ZNF738: variants seen among roughly 807,000 people sequenced by gnomAD.
The protein encoded by ZNF738 is zinc finger protein 738, also known as protein ZNF738.
In ZNF738, 10 loss-of-function variants were observed where a neutral mutation model predicts 9.2. The observed-to-expected ratio is 1.09, with a 90% CI of 0.67 to 1.85. The LOEUF is 1.85. Among genes scored for constraint, ZNF738 ranks in the 40% most tolerant of loss-of-function variants. The pLI is 0.00. For synonymous variants in ZNF738, 113 were observed against 94.5 expected (o/e 1.20, Z -1.14); for missense variants, 346 against 283.6 (o/e 1.22, Z -1.58).
chr19:21,380,416 C>T (rs1177908228), intron 4 of ZNF738, among the ~76,000 whole-genome samples: 1 of 152,158 alleles, frequency 6.6e-6, no homozygotes, highest in Non-Finnish European at 1.5e-5. Context: ...GTAGAGTCCC[C>T]ACTCTCCCCT....
chr19:21,377,291 G>C (rs1293028624), intron 4 of ZNF738: 1 of 536,870 alleles, frequency 1.9e-6, no homozygotes, highest in Non-Finnish European at 3.3e-6. Flanking sequence ...TGGGTAACAA[G>C]AGCAAACTCC....
At chr19:21,380,987 A>C (rs1283001999) in intron 4 of ZNF738, among the ~76,000 whole-genome samples, 1 of 152,218 alleles carries the variant, frequency 6.6e-6, no homozygotes, top group Admixed American at 6.5e-5. Context: ...AAAGGATATA[A>C]GAGACCTAAA....
Position 21,364,184 on chromosome 19 carries a change from G to A in ZNF738, c.96+2326G>A, listed in dbSNP as rs181132499. ...TGCACTCTAGTCTGGGCAATAGAGC[G>A]AGAATCCGTCTCAAAAAAAAAAAAA... On this transcript the variant is annotated intron_variant, in intron 2 of 4. Transcript: ENST00000683779. 4.2e-3 allele frequency among the ~76,000 whole-genome samples: 286 copies of A among 68,178 alleles called. 1 individual carries two copies. Among genetic ancestry groups the A allele is most frequent in the Admixed American group, 9.5e-3 (46 of 4,850 alleles). 44.7% of individuals were successfully genotyped at this position (68,178 alleles called of 152,430 possible). A position where few individuals can be genotyped will look rare whatever the true frequency, so the allele number is the denominator to read the frequency against.
intron 1 of ZNF738, among the ~76,000 whole-genome samples, chr19:21,361,090 A>T (rs1973684126): frequency 6.6e-6 from 1 of 151,674 alleles, no homozygotes; most frequent in African/African-American, 2.4e-5. Flanking sequence ...CTGGGATTAC[A>T]GGCGTGAGCC....
In ZNF738 at chr19:21,385,824, G is replaced by C. The variant is rs1974060235; in HGVS notation, c.*2150G>C. 6.6e-6 allele frequency among the ~76,000 whole-genome samples: 1 copy of C among 151,694 alleles called. No homozygotes were observed. Among genetic ancestry groups the C allele is most frequent in the Non-Finnish European group, 1.5e-5 (1 of 67,940 alleles). Reference sequence around the variant, plus strand: ...GATTCTCATACTTTACTAAAAATAAGGTGATTCATTCTGGAGAGAAATTCT... The same window carrying C: ...GATTCTCATACTTTACTAAAAATAACGTGATTCATTCTGGAGAGAAATTCT... On this transcript the variant is annotated 3_prime_UTR_variant, in exon 5 of 5. Transcript: ENST00000683779.
In ZNF738 at chr19:21,383,223, A is replaced by G; in HGVS notation, c.677A>G (p.His226Arg). ...CACCTAGGTCAACATAAAATAATTC[A>G]TATTAGAGAGAATTCTTACCAATGT... ...LLHLGQHKII[H>R]IRENSYQCEE... The change falls in exon 5 of 5, where the codon CAT becomes CGT. Residue 226 changes from histidine (H) to arginine (R), a missense_variant. Transcript: ENST00000683779. 6.3e-7 allele frequency: 1 copy of G among 1,596,186 alleles called. No homozygotes were observed. Among genetic ancestry groups the G allele is most frequent in the Non-Finnish European group, 8.6e-7 (1 of 1,165,432 alleles).
Position 21,386,161 on chromosome 19 carries a change from T to C in ZNF738, c.*2487T>C, listed in dbSNP as rs1974064861. 6.6e-6 allele frequency among the ~76,000 whole-genome samples: 1 copy of C among 151,872 alleles called. No individual in the cohort carries two copies. The highest frequency in any genetic ancestry group is 2.1e-4 in the South Asian group (1 of 4,820). ...CATTACTAAACAAGATAATTTGTAC[T>C]GGAGAGAAAACCTACAAACGTGAGG... On this transcript the variant is annotated 3_prime_UTR_variant, in exon 5 of 5. Coordinates refer to ENST00000683779, the MANE Select transcript of ZNF738 (RefSeq NM_001355237.2).
chr19:21,382,936 A>G lies in ZNF738; in HGVS notation c.390A>G (p.Ile130Met), dbSNP rs940995097. 5.1e-6 allele frequency: 3 copies of G among 591,750 alleles called. No homozygotes were observed. Among genetic ancestry groups the G allele is most frequent in the Non-Finnish European group, 9.5e-6 (3 of 314,422 alleles). 36.7% of individuals were successfully genotyped at this position (591,750 alleles called of 1,614,324 possible). ...PGIKDSFQKV[I>M]LREYGNYGHK... ...TAAAAGATTCTTTCCAAAAAGTGATACTGAGAGAATATGGAAATTATGGAC... is the reference window on the plus strand; with the variant it reads ...TAAAAGATTCTTTCCAAAAAGTGATGCTGAGAGAATATGGAAATTATGGAC... Residue 130 changes from isoleucine to methionine, a missense_variant, in exon 5 of 5, where the codon ATA (isoleucine) becomes ATG (methionine). Coordinates refer to ENST00000683779, the MANE Select transcript of ZNF738 (RefSeq NM_001355237.2).
At chr19:21,373,636 C>A (rs1426514852) in intron 2 of ZNF738, among the ~76,000 whole-genome samples, 3 of 152,106 alleles carry the variant, frequency 2.0e-5, no homozygotes, top group Non-Finnish European at 4.4e-5. Context: ...GTTCTTAGTT[C>A]TTTTTTCTGT....
chr19:21,377,322 G>A (rs1258013902), intron 4 of ZNF738: 2 of 570,578 alleles, frequency 3.5e-6, no homozygotes, highest in Non-Finnish European at 6.2e-6. Context: ...AAAAAAAATT[G>A]TATTATACTG....
At chr19:21,359,748 G>A (rs896855727) in intron 1 of ZNF738, among the ~76,000 whole-genome samples, 7 of 151,880 alleles carry the variant, frequency 4.6e-5, no homozygotes, top group Non-Finnish European at 5.9e-5. Flanking sequence ...GTGGTGGCGG[G>A]CGCCTGTAGT....
chr19:21,364,469 C>A (rs1973748404), intron 2 of ZNF738, among the ~76,000 whole-genome samples: 1 of 151,970 alleles, frequency 6.6e-6, no homozygotes, highest in African/African-American at 2.4e-5. Flanking sequence ...AGTTCAGTAG[C>A]CTGTGAAAAA....
intron 2 of ZNF738, among the ~76,000 whole-genome samples, chr19:21,363,945 C>G (rs1422335153): frequency 6.6e-6 from 1 of 150,934 alleles, no homozygotes; most frequent in Non-Finnish European, 1.5e-5. Flanking sequence ...GTCTGTAATC[C>G]CAGCACTTTG....
At position 21,384,985 on chromosome 19, in the gene ZNF738, A is replaced by C. The variant is rs16997799; in HGVS notation, c.*1311A>C. ...TACTTTACTACACATAGGAGAATTCATGCGGAAGAGAATTTCTACAAATGT... is the reference window on the plus strand; with the variant it reads ...TACTTTACTACACATAGGAGAATTCCTGCGGAAGAGAATTTCTACAAATGT... On this transcript the variant is annotated 3_prime_UTR_variant, in exon 5 of 5. Coordinates refer to ENST00000683779, the MANE Select transcript of ZNF738 (RefSeq NM_001355237.2). Among the ~76,000 whole-genome samples the C allele has an allele frequency of 0.027, 4,040 of 152,364 alleles. 165 individuals are homozygous for C. The highest frequency in any genetic ancestry group is 0.091 in the African/African-American group (3,793 of 41,582).
At position 21,386,650 on chromosome 19, in the gene ZNF738, ATATT is replaced by A. The variant is rs1974070981; in HGVS notation, c.*2977_*2980del. On this transcript the variant is annotated 3_prime_UTR_variant, in exon 5 of 5. Transcript: ENST00000683779. ...ATTCTTACCAAACATAAGAAAATTCATATTGGAGATTAACCTTATGAGTGTGAAA... is the reference window on the plus strand; with the variant it reads ...ATTCTTACCAAACATAAGAAAATTCAGGAGATTAACCTTATGAGTGTGAAA... 1 of 224,122 alleles carries A rather than the reference ATATT, an allele frequency of 4.5e-6. No homozygotes were observed. The highest frequency in any genetic ancestry group is 1.3e-4 in the East Asian group (1 of 7,868). 13.9% of individuals were successfully genotyped at this position (224,122 alleles called of 1,614,324 possible).
rs1482048963 is a variant in ZNF738, at chr19:21,364,803, T to C, written c.96+2945T>C. Among the ~76,000 whole-genome samples, 3 of 146,266 alleles carry C rather than the reference T, an allele frequency of 2.1e-5. No individual in the cohort carries two copies. The Admixed American group carries it at 2.1e-4, about 10-fold the overall frequency. On this transcript the variant is annotated intron_variant, in intron 2 of 4. Coordinates refer to ENST00000683779, the MANE Select transcript of ZNF738 (RefSeq NM_001355237.2). ...GCTCTGTTGTGAGGCTGGAGTGCAGTGGCATGATCTCGACTCATGGCAACT... is the reference window on the plus strand; with the variant it reads ...GCTCTGTTGTGAGGCTGGAGTGCAGCGGCATGATCTCGACTCATGGCAACT...
chr19:21,359,673 C>G (rs1327850196), intron 1 of ZNF738, among the ~76,000 whole-genome samples: 1 of 152,164 alleles, frequency 6.6e-6, no homozygotes, highest in Non-Finnish European at 1.5e-5. Context: ...GTCAGGAGAT[C>G]AAGACCATCC....
rs1974076612 is a variant in ZNF738, at chr19:21,387,097, T to G, written c.*3423T>G. On this transcript the variant is annotated 3_prime_UTR_variant, in exon 5 of 5. Transcript: ENST00000683779. Reference sequence around the variant, plus strand: ...ATGCAATAATGCTTTTGACAACACCTCAAGCTTTTCTAACCATAAAAAGAA... The same window carrying G: ...ATGCAATAATGCTTTTGACAACACCGCAAGCTTTTCTAACCATAAAAAGAA... The G allele has an allele frequency of 6.5e-6, 1 of 153,746 alleles. No homozygotes were observed. The allele number at this position is 153,746 out of a possible 1,614,324, so 9.5% of individuals were successfully genotyped here.
rs911946182 is a variant in ZNF738, at chr19:21,359,000, G to A, written c.-141G>A. On this transcript the variant is annotated 5_prime_UTR_variant, in exon 1 of 5. Transcript: ENST00000683779. ...TGTGGCGGGATTTGTCCGCTTCTTTGTCTTTGGCTGCCGCTGGAACTCCGG... is the reference window on the plus strand; with the variant it reads ...TGTGGCGGGATTTGTCCGCTTCTTTATCTTTGGCTGCCGCTGGAACTCCGG... 1 of 729,250 alleles carries A rather than the reference G, an allele frequency of 1.4e-6. No homozygotes were observed. Among genetic ancestry groups the A allele is most frequent in the Admixed American group, 1.9e-5 (1 of 53,692 alleles). 45.2% of individuals were successfully genotyped at this position (729,250 alleles called of 1,614,324 possible). A position where few individuals can be genotyped will look rare whatever the true frequency, so the allele number is the denominator to read the frequency against.
Sources: allele counts gnomAD v4.1 joint callset (sites outside exome capture counted in the v4.1 genomes callset), GRCh38; gene constraint gnomAD v4.1.1; transcripts MANE v1.5; gene names NCBI Gene and HGNC (gene_info 2026-07-23, HGNC 2026-07-21).